SRPK2: variants seen among roughly 807,000 people sequenced by gnomAD.
SRPK2 encodes SRSF protein kinase 2, also known as SFRS protein kinase 2.
A neutral mutation model predicts 90.8 loss-of-function variants in SRPK2; 21 were observed. That is an observed-to-expected ratio of 0.23 (90% confidence interval 0.16 to 0.33). The LOEUF (loss-of-function observed/expected upper bound fraction) is 0.33, where lower values mean the gene tolerates loss of function less well. Ranked by LOEUF, SRPK2 falls within the 10% of genes least tolerant of loss-of-function variation. The pLI, the probability that SRPK2 is intolerant of heterozygous loss-of-function variation, is 1.00. For missense variants in SRPK2, 620 were observed against 869.0 expected (o/e 0.71, Z 3.60); for synonymous variants, 288 against 311.1 (o/e 0.93, Z 0.78).
chr7:105,222,286 A>G (rs939711077), intron 2 of SRPK2, among the ~76,000 whole-genome samples: 1 of 152,242 alleles, frequency 6.6e-6, no homozygotes, highest in Admixed American at 6.5e-5. Flanking sequence ...ATTGGCAGTT[A>G]AACTGCTTCT....
chr7:105,204,127 C>T (rs1368953572), intron 2 of SRPK2, among the ~76,000 whole-genome samples: 1 of 152,170 alleles, frequency 6.6e-6, no homozygotes, highest in Non-Finnish European at 1.5e-5. Context: ...AAGCGTATTC[C>T]ATGGTATATA....
intron 15 of SRPK2, among the ~76,000 whole-genome samples, chr7:105,120,049 G>T (rs1800108973): frequency 6.6e-6 from 1 of 152,118 alleles, no homozygotes; most frequent in Non-Finnish European, 1.5e-5. Context: ...CAAAACATCA[G>T]CTTTTGTTAG....
intron 3 of SRPK2, among the ~76,000 whole-genome samples, chr7:105,172,821 G>T (rs990553627): frequency 4.6e-5 from 7 of 152,018 alleles, no homozygotes; most frequent in Admixed American, 3.9e-4. Flanking sequence ...CTACTTAAAC[G>T]TACATTATTG....
chr7:105,312,136 T>C (rs1252712864), intron 2 of SRPK2, among the ~76,000 whole-genome samples: 1 of 152,174 alleles, frequency 6.6e-6, no homozygotes, highest in East Asian at 1.9e-4. Flanking sequence ...AGTACTGATA[T>C]ATGCTACAAA....
At chr7:105,360,559 G>A (rs1818310211) in intron 2 of SRPK2, among the ~76,000 whole-genome samples, 1 of 152,108 alleles carries the variant, frequency 6.6e-6, no homozygotes, top group African/African-American at 2.4e-5. Context: ...TTGTAAGGCA[G>A]GCCTGGTGGT....
intron 2 of SRPK2, 83 bp from the exon 3 acceptor site, chr7:105,203,868 G>A: frequency 6.8e-7 from 1 of 1,473,860 alleles, no homozygotes; most frequent in Non-Finnish European, 9.1e-7. Context: ...TTAATATGGG[G>A]GAAAAAATAA....
intron 2 of SRPK2, among the ~76,000 whole-genome samples, chr7:105,376,998 C>A (rs1174986286): frequency 6.6e-6 from 1 of 151,982 alleles, no homozygotes; most frequent in Non-Finnish European, 1.5e-5. Flanking sequence ...TTTACAGCTG[C>A]AAGGTTGCTT....
At position 105,245,745 on chromosome 7, in the gene SRPK2, T is replaced by C. The variant is rs149564810; in HGVS notation, c.72-41960A>G. Among the ~76,000 whole-genome samples the C allele has an allele frequency of 7.3e-4, 111 of 152,254 alleles. 1 individual carries two copies. Among genetic ancestry groups the C allele is most frequent in the Admixed American group, 1.1e-3 (17 of 15,284 alleles). Reference sequence around the variant, plus strand: ...CCCCTCAAGAGACAAGTTCTCTCTGTTGCCCAGGCTAGAGTGCGGTGGTTA... The same window carrying C: ...CCCCTCAAGAGACAAGTTCTCTCTGCTGCCCAGGCTAGAGTGCGGTGGTTA... On this transcript the variant is annotated intron_variant, in intron 2 of 15. Coordinates refer to ENST00000393651, the MANE Select transcript of SRPK2 (RefSeq NM_182692.3).
At chr7:105,349,835 TTC>T (rs1816943885) in intron 2 of SRPK2, among the ~76,000 whole-genome samples, 1 of 151,894 alleles carries the variant, frequency 6.6e-6, no homozygotes, top group African/African-American at 2.4e-5. Context: ...ACCTCCCAGG[TTC>T]AAGCGATTCT....
At chr7:105,184,760 T>C (rs1474529413) in intron 3 of SRPK2, among the ~76,000 whole-genome samples, 1 of 152,226 alleles carries the variant, frequency 6.6e-6, no homozygotes, top group Non-Finnish European at 1.5e-5. Context: ...TTCTCTAGTG[T>C]CTTCTGGCCT....
chr7:105,261,939 A>C (rs1219780865), intron 2 of SRPK2, among the ~76,000 whole-genome samples: 1 of 152,218 alleles, frequency 6.6e-6, no homozygotes, highest in African/African-American at 2.4e-5. Flanking sequence ...GACCAAAGGA[A>C]GAGATACATG....
intron 2 of SRPK2, among the ~76,000 whole-genome samples, chr7:105,346,331 A>G (rs967671337): frequency 6.6e-6 from 1 of 152,026 alleles, no homozygotes; most frequent in South Asian, 2.1e-4. Flanking sequence ...CACTTAACTG[A>G]TTATCACATA....
At chr7:105,264,100 C>CCA (rs1347787307) in intron 2 of SRPK2, among the ~76,000 whole-genome samples, 1 of 152,176 alleles carries the variant, frequency 6.6e-6, no homozygotes, top group Non-Finnish European at 1.5e-5. Flanking sequence ...TGCTCTTAGT[C>CCA]CACCACACAT....
chr7:105,307,615 C>T (rs941339279), intron 2 of SRPK2, among the ~76,000 whole-genome samples: 6 of 152,196 alleles, frequency 3.9e-5, no homozygotes, highest in African/African-American at 1.2e-4. Flanking sequence ...AAAATCCTGA[C>T]TACAATGCCC....
intron 2 of SRPK2, among the ~76,000 whole-genome samples, chr7:105,324,541 T>G (rs1029444686): frequency 6.6e-6 from 1 of 152,102 alleles, no homozygotes; most frequent in Non-Finnish European, 1.5e-5. Context: ...ATAAGCAAAG[T>G]TGGTAGGCCC....
chr7:105,160,675 C>T, intron 6 of SRPK2, 62 bp from the exon 7 acceptor site: 1 of 938,046 alleles, frequency 1.1e-6, no homozygotes. Context: ...TTATTGAAAG[C>T]AGCACCATTG....
At chr7:105,368,884 CAA>C (rs5886350) in intron 2 of SRPK2, among the ~76,000 whole-genome samples, 15,678 of 93,354 alleles carry the variant, frequency 0.17, 1,239 homozygotes, top group East Asian at 0.5. Flanking sequence ...AACTCTATCT[CAA>C]AAAAAAAAAA....
At chr7:105,388,602 G>A (rs1415412537) in intron 2 of SRPK2, 46 bp downstream of exon 2, 1 of 1,516,636 alleles carries the variant, frequency 6.6e-7, no homozygotes, top group Admixed American at 1.9e-5. Context: ...GGGCGCCCCC[G>A]ACGGGGCGGG....
rs140089126 is a variant in SRPK2 at position 105,310,789 on chromosome 7, A to G, written c.71+77859T>C. ...CATTCTTTTCCCCAATCTTTATTCTACTTATTTTTCCTTTGATCCTAGTTT... is the reference window on the plus strand; with the variant it reads ...CATTCTTTTCCCCAATCTTTATTCTGCTTATTTTTCCTTTGATCCTAGTTT... On this transcript the variant is annotated intron_variant, in intron 2 of 15. Transcript: ENST00000393651. Among the ~76,000 whole-genome samples, 4 of 152,238 alleles carry G rather than the reference A, an allele frequency of 2.6e-5. No homozygotes were observed. In the East Asian group the frequency reaches 7.7e-4, roughly 29 times the overall value.
Sources: gnomAD v4.1 joint callset for allele counts (sites outside exome capture counted in the v4.1 genomes callset) on GRCh38, gnomAD v4.1.1 for gene constraint, MANE v1.5 for transcripts, NCBI Gene and HGNC (gene_info 2026-07-23, HGNC 2026-07-21) for gene names.